SLC22A23: variants seen among roughly 807,000 people sequenced by gnomAD.
SLC22A23 encodes the protein ion transporter protein.
SLC22A23 carries 26 observed loss-of-function variants against 61.0 expected under a neutral mutation model. That is an observed-to-expected ratio of 0.43 (90% CI 0.31 to 0.59). SLC22A23 has a LOEUF of 0.59. Among genes scored for constraint, SLC22A23 ranks in the 20% least tolerant of loss-of-function variants. The pLI, the probability that SLC22A23 is intolerant of heterozygous loss-of-function variation, is 0.11. For synonymous variants in SLC22A23, 430 were observed against 413.9 expected, an observed-to-expected ratio of 1.04 and a Z score of -0.47; for missense variants, 796 against 934.7, an observed-to-expected ratio of 0.85 and a Z score of 1.94.
intron 1 of SLC22A23, among the ~76,000 whole-genome samples, chr6:3,418,261 T>G (rs555967873): frequency 4.3e-4 from 65 of 152,326 alleles, no homozygotes; most frequent in Non-Finnish European, 6.9e-4. Context: ...TCATCTGAAA[T>G]GCTTTCATGT....
intron 1 of SLC22A23, among the ~76,000 whole-genome samples, chr6:3,441,396 G>A (rs919609815): frequency 6.6e-6 from 1 of 152,140 alleles, no homozygotes; most frequent in Non-Finnish European, 1.5e-5. Flanking sequence ...TATGCCGAAG[G>A]CTGACTCTAT....
intron 1 of SLC22A23, among the ~76,000 whole-genome samples, chr6:3,424,776 G>C (rs1770375791): frequency 6.6e-6 from 1 of 152,176 alleles, no homozygotes; most frequent in African/African-American, 2.4e-5. Context: ...ATATTCATTT[G>C]CAGCGGATTC....
intron 5 of SLC22A23, among the ~76,000 whole-genome samples, chr6:3,295,249 G>T (rs1010325200): frequency 6.6e-6 from 1 of 152,250 alleles, no homozygotes; most frequent in African/African-American, 2.4e-5. Context: ...TGCTGAAGTT[G>T]TAACAGTGAA....
intron 4 of SLC22A23, among the ~76,000 whole-genome samples, chr6:3,299,451 C>G (rs1233864945): frequency 6.6e-6 from 1 of 152,246 alleles, no homozygotes; most frequent in East Asian, 1.9e-4. Context: ...CACTGTCCCT[C>G]AGACGATGCC....
chr6:3,401,237 C>T (rs1054953753), intron 3 of SLC22A23, among the ~76,000 whole-genome samples: 3 of 152,194 alleles, frequency 2.0e-5, no homozygotes, highest in Non-Finnish European at 4.4e-5. Context: ...ACTTGGGAGG[C>T]TGAGGCGGGA....
Position 3,321,074 on chromosome 6 carries a change from T to G in SLC22A23, c.1082+2760A>C, listed in dbSNP as rs147079910. Among the ~76,000 whole-genome samples the G allele has an allele frequency of 1.5e-3, 229 of 151,738 alleles. 2 individuals are homozygous for G. The highest frequency in any genetic ancestry group is 5.1e-3 in the African/African-American group (212 of 41,528). Reference sequence around the variant, plus strand: ...CTGAGGCACAGAGAGATTAAGCGACTTGCTCAGGGTCACACAGCTACTAAG... The same window carrying G: ...CTGAGGCACAGAGAGATTAAGCGACGTGCTCAGGGTCACACAGCTACTAAG... On this transcript the variant is annotated intron_variant, in intron 4 of 9. Coordinates refer to ENST00000406686, the MANE Select transcript of SLC22A23 (RefSeq NM_015482.2).
intron 4 of SLC22A23, among the ~76,000 whole-genome samples, chr6:3,319,650 A>C (rs915339395): frequency 6.6e-6 from 1 of 152,114 alleles, no homozygotes; most frequent in Admixed American, 6.5e-5. Flanking sequence ...TATTTTCTAC[A>C]GTTCCTGAGA....
intron 4 of SLC22A23, among the ~76,000 whole-genome samples, chr6:3,305,628 A>C (rs1761921619): frequency 6.6e-6 from 1 of 152,198 alleles, no homozygotes. Flanking sequence ...ACGCCACACA[A>C]ATTAAAAAGC....
intron 5 of SLC22A23, among the ~76,000 whole-genome samples, chr6:3,292,912 C>T (rs908403365): frequency 6.6e-5 from 10 of 152,232 alleles, no homozygotes; most frequent in African/African-American, 2.4e-4. Flanking sequence ...CCCAGCTTCT[C>T]TTCACCAACA....
intron 1 of SLC22A23, chr6:3,432,257 G>A (rs1413373424): frequency 1.0e-6 from 1 of 985,354 alleles, no homozygotes; most frequent in Non-Finnish European, 1.2e-6. Context: ...GGAAAGCTCT[G>A]TTCCTCTGCT....
intron 9 of SLC22A23, among the ~76,000 whole-genome samples, chr6:3,283,159 C>T (rs181859117): frequency 3.3e-5 from 5 of 152,284 alleles, no homozygotes; most frequent in Non-Finnish European, 5.9e-5. Context: ...TGGCCTGGCA[C>T]GGTGGTTCAC....
chr6:3,320,094 G>A (rs1250357007), intron 4 of SLC22A23, among the ~76,000 whole-genome samples: 2 of 152,174 alleles, frequency 1.3e-5, no homozygotes, highest in African/African-American at 4.8e-5. Context: ...TAGCCCCCGG[G>A]CAGGTGTTGA....
intron 1 of SLC22A23, among the ~76,000 whole-genome samples, chr6:3,436,935 G>C (rs1335384884): frequency 6.6e-6 from 1 of 152,222 alleles, no homozygotes; most frequent in African/African-American, 2.4e-5. Flanking sequence ...CGTACTCAAG[G>C]AGAAAATGCC....
intron 1 of SLC22A23, among the ~76,000 whole-genome samples, chr6:3,432,680 T>C (rs1439669868): frequency 1.3e-5 from 2 of 152,218 alleles, no homozygotes; most frequent in Non-Finnish European, 2.9e-5. Flanking sequence ...AGCACAAACA[T>C]GCTTCCTGAT....
intron 4 of SLC22A23, among the ~76,000 whole-genome samples, chr6:3,316,454 A>T (rs1762645728): frequency 6.6e-6 from 1 of 152,230 alleles, no homozygotes; most frequent in Non-Finnish European, 1.5e-5. Flanking sequence ...GAGGCATAAG[A>T]TGTCCAAGTG....
chr6:3,439,529 T>C (rs1771452270), intron 1 of SLC22A23: 2 of 206,370 alleles, frequency 9.7e-6, no homozygotes, highest in Non-Finnish European at 2.0e-5. Flanking sequence ...CCAAGTTTGA[T>C]TAGTTGCCAT....
At chr6:3,428,223 C>T (rs11965628) in intron 1 of SLC22A23, among the ~76,000 whole-genome samples, 2,049 of 152,328 alleles carry the variant, frequency 0.013, 40 homozygotes, top group African/African-American at 0.047. Flanking sequence ...CTGCCCAAGT[C>T]GCGGCCCTCA....
At chr6:3,403,643 T>G (rs1768589886) in intron 3 of SLC22A23, among the ~76,000 whole-genome samples, 1 of 152,176 alleles carries the variant, frequency 6.6e-6, no homozygotes, top group Non-Finnish European at 1.5e-5. Context: ...GACTTGAGAC[T>G]GGCACATCTA....
intron 3 of SLC22A23, among the ~76,000 whole-genome samples, chr6:3,383,519 T>C (rs1336401622): frequency 6.6e-6 from 1 of 152,202 alleles, no homozygotes; most frequent in East Asian, 1.9e-4. Context: ...ACAGAGTCAG[T>C]GTGACGAGCG....
Sources: gnomAD v4.1 joint callset for allele counts (sites outside exome capture counted in the v4.1 genomes callset) on GRCh38, gnomAD v4.1.1 for gene constraint, MANE v1.5 for transcripts, NCBI Gene and HGNC (gene_info 2026-07-23, HGNC 2026-07-21) for gene names.